The following WBP1L variants were observed in gnomAD, a reference collection of about 807,000 sequenced individuals.
The protein encoded by WBP1L is WW domain binding protein 1-like.
WBP1L carries 17 observed loss-of-function variants against 33.7 expected under a neutral mutation model. The ratio of observed to expected loss-of-function variants is 0.50; its 90% CI spans 0.34 to 0.76. The LOEUF (loss-of-function observed/expected upper bound fraction) is 0.76. Ranked by LOEUF, WBP1L falls within the 30% of genes least tolerant of loss-of-function variation. WBP1L has a pLI of 0.01. For synonymous variants in WBP1L, 173 were observed against 190.8 expected (o/e 0.91, Z 0.77); for missense variants, 389 against 469.4 (o/e 0.83, Z 1.58).
chr10:102,767,496 G>A (rs1048184296), intron 1 of WBP1L, among the ~76,000 whole-genome samples: 1 of 152,064 alleles, frequency 6.6e-6, no homozygotes, highest in Non-Finnish European at 1.5e-5. Context: ...AGTAGCCACT[G>A]CACCCCAGCC....
At chr10:102,746,626 G>C (rs973615028) in intron 1 of WBP1L, among the ~76,000 whole-genome samples, 8 of 151,884 alleles carry the variant, frequency 5.3e-5, no homozygotes, top group Non-Finnish European at 8.8e-5. Flanking sequence ...GGTGGGGGAA[G>C]GGGTTGCTTG....
intron 2 of WBP1L, among the ~76,000 whole-genome samples, chr10:102,805,973 G>A (rs1042254272): frequency 6.6e-6 from 1 of 151,864 alleles, no homozygotes; most frequent in Non-Finnish European, 1.5e-5. Flanking sequence ...GGCTGAGGCG[G>A]GCGGATCACT....
chr10:102,791,233 C>T lies in WBP1L; in HGVS notation c.91-6760C>T, dbSNP rs1041514239. Among the ~76,000 whole-genome samples, 4 of 152,272 alleles carry T rather than the reference C, an allele frequency of 2.6e-5. No homozygotes were observed. In the South Asian group the frequency reaches 6.2e-4, roughly 24 times the overall value. Reference sequence around the variant, plus strand: ...TACTGTGGTTTCTAGTTCCCGCTGTCGTTTTTGGTCCCAGGTGATCCTCCT... The same window carrying T: ...TACTGTGGTTTCTAGTTCCCGCTGTTGTTTTTGGTCCCAGGTGATCCTCCT... On this transcript the variant is annotated intron_variant, in intron 1 of 3. Coordinates refer to ENST00000448841, the MANE Select transcript of WBP1L (RefSeq NM_001083913.2).
Position 102,813,620 on chromosome 10 carries a change from C to A in WBP1L, c.*289C>A, listed in dbSNP as rs1448092282. Reference sequence around the variant, plus strand: ...TTCTTTAAAGTCAAATCTCACCTACCTGTTTGGGTCAGAGAGATGTGTTTT... The same window carrying A: ...TTCTTTAAAGTCAAATCTCACCTACATGTTTGGGTCAGAGAGATGTGTTTT... On this transcript the variant is annotated 3_prime_UTR_variant, in exon 4 of 4. Transcript: ENST00000448841. The A allele has an allele frequency of 2.2e-6, 1 of 454,780 alleles. No individual in the cohort carries two copies. Among genetic ancestry groups the A allele is most frequent in the Admixed American group, 3.8e-5 (1 of 26,052 alleles). 28.2% of individuals were successfully genotyped at this position (454,780 alleles called of 1,614,324 possible).
At chr10:102,748,083 C>T (rs1200722367) in intron 1 of WBP1L, among the ~76,000 whole-genome samples, 3 of 151,812 alleles carry the variant, frequency 2.0e-5, no homozygotes, top group Admixed American at 6.6e-5. Context: ...AGTGAAACCC[C>T]GTCTCTACTA....
At chr10:102,789,024 A>G (rs1174298571) in intron 1 of WBP1L, among the ~76,000 whole-genome samples, 1 of 152,108 alleles carries the variant, frequency 6.6e-6, no homozygotes, top group Non-Finnish European at 1.5e-5. Context: ...CAGTGGCACA[A>G]TCTCGGTTTG....
chr10:102,760,344 C>T (rs1322963928), intron 1 of WBP1L, among the ~76,000 whole-genome samples: 1 of 150,704 alleles, frequency 6.6e-6, no homozygotes, highest in African/African-American at 2.4e-5. Context: ...CCTCTCTGAG[C>T]CTTCCTTGTT....
intron 3 of WBP1L, among the ~76,000 whole-genome samples, chr10:102,810,786 C>T (rs1192065484): frequency 1.3e-5 from 2 of 151,768 alleles, no homozygotes; most frequent in Admixed American, 6.6e-5. Context: ...AGGCTGGCCT[C>T]GAACTCCTGA....
At chr10:102,812,293 T>C (rs541101716) in intron 3 of WBP1L, among the ~76,000 whole-genome samples, 1 of 152,350 alleles carries the variant, frequency 6.6e-6, no homozygotes, top group African/African-American at 2.4e-5. Flanking sequence ...TTTTTGGCCA[T>C]CTACCACGTT....
rs371863480 is a variant in WBP1L at position 102,810,038 on chromosome 10, G to A, written c.339G>A (p.Ala113=). 36 of 1,612,292 alleles carry A rather than the reference G, an allele frequency of 2.2e-5. No homozygotes were observed. Among genetic ancestry groups the A allele is most frequent in the African/African-American group, 1.7e-4 (13 of 74,840 alleles). The part of the protein sequence containing the change: ...IAYREAHNYS[A]LPFYFRFLPN... The stretch of plus-strand genomic sequence containing the variant: ...ACCGAGAAGCCCACAATTACTCAGC[G>A]CTGCCATTTTATTTCAGTACGTACA... The change falls in exon 3 of 4, where the codon GCG becomes GCA. Residue 113 remains alanine, a synonymous_variant. Coordinates refer to ENST00000448841, the MANE Select transcript of WBP1L (RefSeq NM_001083913.2).
intron 1 of WBP1L, chr10:102,746,077 T>G: frequency 1.1e-6 from 1 of 928,850 alleles, no homozygotes; most frequent in Non-Finnish European, 1.3e-6. Flanking sequence ...TCAGAGCCTT[T>G]GGAGATGGGC....
intron 1 of WBP1L, among the ~76,000 whole-genome samples, chr10:102,778,205 A>G (rs1170512810): frequency 6.6e-6 from 1 of 152,228 alleles, no homozygotes; most frequent in African/African-American, 2.4e-5. Flanking sequence ...AAAGGATGCA[A>G]CACTGCAGGG....
rs1272500698 is a variant in WBP1L at position 102,813,806 on chromosome 10, C to T, written c.*475C>T. ...GATGAAGAAGGAAACCCACAGAGGC[C>T]CAGGGCTTGTCATTGGGCTGCCAGT... is the stretch of plus-strand genomic sequence containing the variant. On this transcript the variant is annotated 3_prime_UTR_variant, in exon 4 of 4. Coordinates refer to ENST00000448841, the MANE Select transcript of WBP1L (RefSeq NM_001083913.2). 2 of 159,840 alleles carry T rather than the reference C, an allele frequency of 1.3e-5. No individual in the cohort carries two copies. Among genetic ancestry groups the T allele is most frequent in the South Asian group, 1.8e-4 (1 of 5,548 alleles). 9.9% of individuals were successfully genotyped at this position (159,840 alleles called of 1,614,324 possible). A position where few individuals can be genotyped will look rare whatever the true frequency, so the allele number is the denominator to read the frequency against.
intron 1 of WBP1L, among the ~76,000 whole-genome samples, chr10:102,786,028 T>C (rs951753863): frequency 6.6e-6 from 1 of 152,194 alleles, no homozygotes; most frequent in Non-Finnish European, 1.5e-5. Context: ...CAGGGTCAAG[T>C]AGCTTTTTCT....
Position 102,743,973 on chromosome 10 carries a change from GGAAGAAGAGGGTAGA to G in WBP1L, c.-79_-65del, listed in dbSNP as rs1564750558. The G allele has an allele frequency of 1.8e-6, 2 of 1,084,268 alleles. No individual in the cohort carries two copies. Among genetic ancestry groups the G allele is most frequent in the African/African-American group, 1.6e-5 (1 of 62,754 alleles). The allele number at this position is 1,084,268 out of a possible 1,614,324, so 67.2% of individuals were successfully genotyped here. A position where few individuals can be genotyped will look rare whatever the true frequency, so the allele number is the denominator to read the frequency against. On this transcript the variant is annotated 5_prime_UTR_variant, in exon 1 of 4. Transcript: ENST00000448841. ...GTCAAACAGGAAAAGAAGGGAAGAAGGAAGAAGAGGGTAGAGGAGGAGAGGGAGGAGGAGGAGGGA... is the reference window on the plus strand; with the variant it reads ...GTCAAACAGGAAAAGAAGGGAAGAAGGGAGGAGAGGGAGGAGGAGGAGGGA...
intron 1 of WBP1L, among the ~76,000 whole-genome samples, chr10:102,782,528 A>G (rs1272812193): frequency 6.6e-6 from 1 of 151,828 alleles, no homozygotes; most frequent in South Asian, 2.1e-4. Context: ...CCTTAGCACT[A>G]GTAAGATACT....
intron 2 of WBP1L, among the ~76,000 whole-genome samples, chr10:102,809,278 A>G (rs1289390397): frequency 6.6e-6 from 1 of 151,824 alleles, no homozygotes. Context: ...GGGTTTCACC[A>G]TGTTGGCCAG....
At chr10:102,794,519 T>A (rs141607347) in intron 1 of WBP1L, among the ~76,000 whole-genome samples, 286 of 152,146 alleles carry the variant, frequency 1.9e-3, no homozygotes, top group African/African-American at 5.7e-3. Flanking sequence ...ACATTACAGG[T>A]GATCTTAACC....
chr10:102,758,584 C>CT (rs1843003753), intron 1 of WBP1L, among the ~76,000 whole-genome samples: 1 of 152,170 alleles, frequency 6.6e-6, no homozygotes, highest in Non-Finnish European at 1.5e-5. Context: ...AGGTCCAGCC[C>CT]TATGGGGCTT....
Sources: gnomAD v4.1 joint callset for allele counts (sites outside exome capture counted in the v4.1 genomes callset) on GRCh38, gnomAD v4.1.1 for gene constraint, MANE v1.5 for transcripts, NCBI Gene and HGNC (gene_info 2026-07-23, HGNC 2026-07-21) for gene names.